Variants in IL1RAP observed in about 807,000 individuals in gnomAD.
The protein encoded by IL1RAP is interleukin-1 receptor accessory protein.
In IL1RAP, 35 loss-of-function variants were observed where a neutral mutation model predicts 60.7. The observed-to-expected ratio is 0.58, with a 90% CI of 0.44 to 0.76. IL1RAP has a LOEUF of 0.76. Among genes scored for constraint, IL1RAP ranks in the 30% least tolerant of loss-of-function variants. IL1RAP has a pLI of 0.00. For missense variants in IL1RAP, 572 were observed against 693.9 expected, an observed-to-expected ratio of 0.82 and a Z score of 1.97; for synonymous variants, 268 against 250.9, an observed-to-expected ratio of 1.07 and a Z score of -0.64.
chr3:190,653,606 T>C (rs1734499430), downstream of IL1RAP, among the ~76,000 whole-genome samples: 1 of 152,036 alleles, frequency 6.6e-6, no homozygotes, highest in Non-Finnish European at 1.5e-5. Flanking sequence ...CTAAGTGAAC[T>C]CCATGGAAGT....
chr3:190,522,264 G>A (rs1722089122), intron 1 of IL1RAP, among the ~76,000 whole-genome samples: 1 of 151,212 alleles, frequency 6.6e-6, no homozygotes, highest in Non-Finnish European at 1.5e-5. Flanking sequence ...CTGTAAAATG[G>A]TAATAAACAT....
At chr3:190,560,643 T>A (rs968359057) in intron 2 of IL1RAP, among the ~76,000 whole-genome samples, 1 of 152,136 alleles carries the variant, frequency 6.6e-6, no homozygotes, top group Admixed American at 6.6e-5. Flanking sequence ...CAAATGGTGA[T>A]TCATGGCAAA....
intron 9 of IL1RAP, among the ~76,000 whole-genome samples, chr3:190,633,229 T>C (rs1433742836): frequency 6.6e-6 from 1 of 152,202 alleles, no homozygotes; most frequent in Non-Finnish European, 1.5e-5. Flanking sequence ...ATATAATATA[T>C]CTCTCCATTT....
chr3:190,574,832 A>G (rs1727294941), intron 3 of IL1RAP, among the ~76,000 whole-genome samples: 1 of 152,130 alleles, frequency 6.6e-6, no homozygotes, highest in Non-Finnish European at 1.5e-5. Context: ...AGCTAGAATA[A>G]CTGTCACTTG....
downstream of IL1RAP, among the ~76,000 whole-genome samples, chr3:190,653,806 A>G (rs546438732): frequency 2.0e-5 from 3 of 152,332 alleles, no homozygotes; most frequent in South Asian, 6.2e-4. Flanking sequence ...AGCATTAAAA[A>G]TAATAGCTCC....
chr3:190,520,924 T>C (rs1382628814), intron 1 of IL1RAP, among the ~76,000 whole-genome samples: 1 of 152,204 alleles, frequency 6.6e-6, no homozygotes, highest in East Asian at 1.9e-4. Context: ...CTATGGCAAC[T>C]TAAAATTGTG....
intron 9 of IL1RAP, among the ~76,000 whole-genome samples, chr3:190,638,880 G>A (rs926619491): frequency 6.6e-6 from 1 of 152,046 alleles, no homozygotes; most frequent in East Asian, 1.9e-4. Context: ...CACAGGATAT[G>A]TTGAAAGTGT....
chr3:190,580,881 T>C (rs1172934244), intron 3 of IL1RAP, among the ~76,000 whole-genome samples: 2 of 152,228 alleles, frequency 1.3e-5, no homozygotes, highest in Admixed American at 1.3e-4. Flanking sequence ...TGTATGTTTA[T>C]GGCATAGATT....
chr3:190,555,891 G>C (rs370251757), intron 1 of IL1RAP: 1 of 151,336 alleles, frequency 6.6e-6, no homozygotes, highest in African/African-American at 2.4e-5. Context: ...TTGCTTCCTC[G>C]GTTTAAAATT....
rs1451820100 is a variant in IL1RAP, at chr3:190,572,975, T to A, written c.64+8622T>A. Among the ~76,000 whole-genome samples, 3 of 85,944 alleles carry A rather than the reference T, an allele frequency of 3.5e-5. 1 individual carries two copies. Among genetic ancestry groups the A allele is most frequent in the Non-Finnish European group, 7.5e-5 (3 of 40,138 alleles). The allele number at this position is 85,944 out of a possible 152,430, so 56.4% of individuals were successfully genotyped here. ...GCCTCCCGGGTTCACGCCATTCTCC[T>A]GCCTCAGCCTCCCGAGTAGCTGGGA... On this transcript the variant is annotated intron_variant, in intron 3 of 11. Transcript: ENST00000447382.
intron 1 of IL1RAP, among the ~76,000 whole-genome samples, chr3:190,545,047 A>G (rs190710197): frequency 8.5e-4 from 129 of 152,368 alleles, no homozygotes; most frequent in African/African-American, 3.0e-3. Flanking sequence ...TCTGCATTGT[A>G]TCCATCCTCT....
At chr3:190,614,084 T>G (rs912801916) in intron 5 of IL1RAP, among the ~76,000 whole-genome samples, 1 of 151,808 alleles carries the variant, frequency 6.6e-6, no homozygotes, top group Non-Finnish European at 1.5e-5. Flanking sequence ...TCTACCCGGA[T>G]GTCTTGGTCC....
intron 3 of IL1RAP, chr3:190,564,690 T>A (rs964324522): frequency 8.2e-6 from 2 of 245,048 alleles, no homozygotes; most frequent in African/African-American, 4.4e-5. Context: ...AATAGCACAA[T>A]CTGTTTTTCA....
Position 190,649,727 on chromosome 3 carries a change from G to C in IL1RAP, c.*1022G>C, listed in dbSNP as rs566711565. On this transcript the variant is annotated 3_prime_UTR_variant, in exon 12 of 12. Coordinates refer to ENST00000447382, the MANE Select transcript of IL1RAP (RefSeq NM_002182.4). Reference sequence around the variant, plus strand: ...TTAGTGGCCTTGAGAGTTGCTTTTGGCATTAATATTCTAAGAGAATTAACT... The same window carrying C: ...TTAGTGGCCTTGAGAGTTGCTTTTGCCATTAATATTCTAAGAGAATTAACT... 1.0e-6 allele frequency: 1 copy of C among 985,574 alleles called. No homozygotes were observed. Among genetic ancestry groups the C allele is most frequent in the Admixed American group, 6.2e-5 (1 of 16,258 alleles). 61.1% of individuals were successfully genotyped at this position (985,574 alleles called of 1,614,324 possible). A position where few individuals can be genotyped will look rare whatever the true frequency, so the allele number is the denominator to read the frequency against.
chr3:190,652,633 G>T (rs1734454343), downstream of IL1RAP, among the ~76,000 whole-genome samples: 1 of 152,140 alleles, frequency 6.6e-6, no homozygotes, highest in Admixed American at 6.5e-5. Context: ...TTTCTGCTCA[G>T]TTAGAAAATA....
chr3:190,565,494 A>T (rs546261718), intron 3 of IL1RAP, among the ~76,000 whole-genome samples: 1 of 152,304 alleles, frequency 6.6e-6, no homozygotes, highest in East Asian at 1.9e-4. Context: ...CAGCTTTTCT[A>T]TGCCACATAA....
chr3:190,530,539 C>A (rs1722898441), intron 1 of IL1RAP, among the ~76,000 whole-genome samples: 1 of 152,180 alleles, frequency 6.6e-6, no homozygotes, highest in African/African-American at 2.4e-5. Flanking sequence ...AGTGATTTCA[C>A]CTATGGCTGC....
intron 9 of IL1RAP, among the ~76,000 whole-genome samples, chr3:190,631,837 G>A (rs1732813871): frequency 6.6e-6 from 1 of 151,938 alleles, no homozygotes; most frequent in South Asian, 2.1e-4. Context: ...TTTTACTCTT[G>A]TCACCTAGGC....
intron 1 of IL1RAP, among the ~76,000 whole-genome samples, chr3:190,543,044 G>A (rs1168381520): frequency 6.6e-6 from 1 of 151,952 alleles, no homozygotes; most frequent in Non-Finnish European, 1.5e-5. Context: ...CATTGGGTGG[G>A]GGCTCACTAA....
Sources: gnomAD v4.1 joint callset for allele counts (sites outside exome capture counted in the v4.1 genomes callset) on GRCh38, gnomAD v4.1.1 for gene constraint, MANE v1.5 for transcripts, NCBI Gene and HGNC (gene_info 2026-07-23, HGNC 2026-07-21) for gene names.